The following ADCY2 variants were observed in gnomAD, a reference collection of about 807,000 sequenced individuals.
ADCY2 encodes the protein adenylate cyclase 2.
A neutral mutation model predicts 125.2 loss-of-function variants in ADCY2; 31 were observed. The observed-to-expected ratio is 0.25, with a 90% CI of 0.19 to 0.33. ADCY2 has a LOEUF of 0.33. ADCY2 is among the 10% of genes least tolerant of loss of function. ADCY2 has a pLI of 1.00. For missense variants in ADCY2, 904 were observed against 1,418.2 expected (o/e 0.64, Z 5.82); for synonymous variants, 512 against 548.4 (o/e 0.93, Z 0.93).
chr5:7,674,297 C>T (rs747916682), intron 4 of ADCY2, among the ~76,000 whole-genome samples: 4 of 152,126 alleles, frequency 2.6e-5, no homozygotes, highest in Non-Finnish European at 5.9e-5. Context: ...TCAGTGGTTT[C>T]GGTGTGGGGT....
At position 7,396,447 on chromosome 5, in the gene ADCY2, C is replaced by G. The variant is rs1160511737; in HGVS notation, c.151C>G (p.Leu51Val). Residue 51 changes from leucine to valine, a missense_variant, in exon 1 of 25, where the codon CTG (leucine) becomes GTG (valine). By Grantham distance (32) the Leu-to-Val change is conservative. Transcript: ENST00000338316. This position sits in a 1 kb window ranked among gnomAD's most constrained non-coding sequence, Gnocchi z 5.7. ...SQQHPLIVFL[L>V]LIVMGSCLAL... Reference sequence around the variant, plus strand: ...GCAGCACCCGCTCATCGTCTTCCTGCTGCTCATCGTCATGGGCTCCTGCCT... The same window carrying G: ...GCAGCACCCGCTCATCGTCTTCCTGGTGCTCATCGTCATGGGCTCCTGCCT... 1 of 1,578,492 alleles carries G rather than the reference C, an allele frequency of 6.3e-7. No homozygotes were observed. Among genetic ancestry groups the G allele is most frequent in the South Asian group, 1.1e-5 (1 of 88,152 alleles).
At chr5:7,646,175 T>G (rs1173712097) in intron 4 of ADCY2, among the ~76,000 whole-genome samples, 1 of 152,028 alleles carries the variant, frequency 6.6e-6, no homozygotes, top group African/African-American at 2.4e-5. Flanking sequence ...TAAGACTAAA[T>G]AATTGTAGTT....
At chr5:7,607,218 C>T (rs1737407924) in intron 3 of ADCY2, among the ~76,000 whole-genome samples, 1 of 152,170 alleles carries the variant, frequency 6.6e-6, no homozygotes, top group Admixed American at 6.5e-5. Context: ...AAAATTACAC[C>T]AGGTCTCACA....
At position 7,560,442 on chromosome 5, in the gene ADCY2, A is replaced by G. The variant is rs558029887; in HGVS notation, c.570+39543A>G. 1.3e-4 allele frequency among the ~76,000 whole-genome samples: 20 copies of G among 152,286 alleles called. No individual in the cohort carries two copies. In the South Asian group the frequency reaches 3.1e-3, roughly 24 times the overall value. On this transcript the variant is annotated intron_variant, in intron 3 of 24. Transcript: ENST00000338316. ...AAAAAGCAATTAAAAAATAGTAACAAATTTTCTAGTGCAAGGGAGAAAATG... is the reference window on the plus strand; with the variant it reads ...AAAAAGCAATTAAAAAATAGTAACAGATTTTCTAGTGCAAGGGAGAAAATG...
intron 6 of ADCY2, among the ~76,000 whole-genome samples, chr5:7,696,072 G>A (rs980404155): frequency 3.3e-5 from 5 of 152,096 alleles, no homozygotes; most frequent in Admixed American, 1.3e-4. Context: ...TCATTATCAC[G>A]TTTTTATCTA....
At chr5:7,574,743 G>C (rs1309608763) in intron 3 of ADCY2, among the ~76,000 whole-genome samples, 1 of 152,136 alleles carries the variant, frequency 6.6e-6, no homozygotes, top group African/African-American at 2.4e-5. Context: ...TTTTCACATG[G>C]AGGACATCCT....
intron 1 of ADCY2, among the ~76,000 whole-genome samples, chr5:7,401,707 A>G (rs1350562964): frequency 6.6e-6 from 1 of 152,228 alleles, no homozygotes; most frequent in Non-Finnish European, 1.5e-5. Context: ...TGGCATATGC[A>G]CCATGGGTGT....
At chr5:7,692,090 G>A (rs543693725) in intron 5 of ADCY2, 34 of 152,306 alleles carry the variant, frequency 2.2e-4, no homozygotes, top group African/African-American at 8.2e-4. Context: ...TTTGGGTGGG[G>A]ACACAAATCC....
At chr5:7,644,826 T>C (rs1033817370) in intron 4 of ADCY2, among the ~76,000 whole-genome samples, 5 of 152,138 alleles carry the variant, frequency 3.3e-5, no homozygotes, top group Admixed American at 3.3e-4. Flanking sequence ...CACCCTTAGC[T>C]TAAGTTTTCA....
chr5:7,396,213 G>A lies in ADCY2; in HGVS notation c.-84G>A. The stretch of plus-strand genomic sequence containing the variant: ...GCCGGCAGCCGGGCCGGCCGAGGCG[G>A]CGCGGGGGTGGGACGCGGGCGGCCG... On this transcript the variant is annotated 5_prime_UTR_variant, in exon 1 of 25. Transcript: ENST00000338316. This position sits in a 1 kb window ranked among gnomAD's most constrained non-coding sequence, Gnocchi z 5.7. 1 of 786,866 alleles carries A rather than the reference G, an allele frequency of 1.3e-6. No homozygotes were observed. Among genetic ancestry groups the A allele is most frequent in the South Asian group, 5.7e-5 (1 of 17,466 alleles). 48.7% of individuals were successfully genotyped at this position (786,866 alleles called of 1,614,324 possible). A position where few individuals can be genotyped will look rare whatever the true frequency, so the allele number is the denominator to read the frequency against.
chr5:7,599,367 A>G (rs148359846), intron 3 of ADCY2, among the ~76,000 whole-genome samples: 34 of 152,310 alleles, frequency 2.2e-4, no homozygotes, highest in Non-Finnish European at 4.6e-4. Context: ...CTGACTGTTG[A>G]TGAGTGGTGT....
At position 7,757,454 on chromosome 5, in the gene ADCY2, C is replaced by T. The variant is rs1232586728; in HGVS notation, c.1962C>T (p.Cys654=). 2 of 1,613,358 alleles carry T rather than the reference C, an allele frequency of 1.2e-6. No individual in the cohort carries two copies. Among genetic ancestry groups the T allele is most frequent in the Non-Finnish European group, 1.7e-6 (2 of 1,179,754 alleles). Residue 654 remains cysteine, a synonymous_variant, in exon 16 of 25, where the codon TGC becomes TGT. Coordinates refer to ENST00000338316, the MANE Select transcript of ADCY2 (RefSeq NM_020546.3). ...FVCFAGQLLQ[C]SKKASPLLMW... is the part of the protein sequence containing the mutation. ...TTCTTTCTCTCTTCTCCTAGCAATG[C>T]AGCAAAAAAGCCTCTCCCCTGCTCA... is the stretch of plus-strand genomic sequence containing the variant.
intron 2 of ADCY2, among the ~76,000 whole-genome samples, chr5:7,454,799 T>C (rs1405495826): frequency 6.6e-6 from 1 of 152,168 alleles, no homozygotes; most frequent in Non-Finnish European, 1.5e-5. Flanking sequence ...GTAGCTTGCC[T>C]TTTTCACATG....
intron 4 of ADCY2, among the ~76,000 whole-genome samples, chr5:7,654,347 C>T (rs1414143180): frequency 2.0e-5 from 3 of 151,980 alleles, no homozygotes; most frequent in South Asian, 2.1e-4. Context: ...AAAACGGGAT[C>T]GAGAGAAGGT....
chr5:7,435,969 TAG>T (rs1278514033), intron 2 of ADCY2, among the ~76,000 whole-genome samples: 4 of 152,174 alleles, frequency 2.6e-5, no homozygotes, highest in African/African-American at 9.7e-5. Context: ...GGTTTTTGAG[TAG>T]AGTCAGAATG....
chr5:7,771,281 T>A (rs1293865821), intron 17 of ADCY2, among the ~76,000 whole-genome samples: 4 of 152,170 alleles, frequency 2.6e-5, no homozygotes, highest in Non-Finnish European at 5.9e-5. Context: ...ACCCACATCA[T>A]CTCTTCTTTT....
intron 3 of ADCY2, among the ~76,000 whole-genome samples, chr5:7,558,580 A>C (rs1379537745): frequency 6.6e-6 from 1 of 151,958 alleles, no homozygotes; most frequent in Admixed American, 6.6e-5. Context: ...TAGATGCTGG[A>C]TATTAGACCT....
In ADCY2 at chr5:7,654,152, A is replaced by G. The variant is rs146394076; in HGVS notation, c.720+27836A>G. ...GCCAGGAGATAAAGAGAAGTCAGGA[A>G]AGGGCCTTGGGAAGAGATGGCGCAT... On this transcript the variant is annotated intron_variant, in intron 4 of 24. Coordinates refer to ENST00000338316, the MANE Select transcript of ADCY2 (RefSeq NM_020546.3). 8.8e-6 allele frequency: 4 copies of G among 455,792 alleles called. No homozygotes were observed. The East Asian group carries it at 2.1e-4, about 24-fold the overall frequency. The allele number at this position is 455,792 out of a possible 1,614,324, so 28.2% of individuals were successfully genotyped here.
intron 2 of ADCY2, among the ~76,000 whole-genome samples, chr5:7,480,723 C>T (rs1321370431): frequency 6.8e-6 from 1 of 148,070 alleles, no homozygotes; most frequent in Non-Finnish European, 1.5e-5. Flanking sequence ...ACCTATATAA[C>T]AAACCTGCAC....
Sources: allele counts gnomAD v4.1 joint callset (sites outside exome capture counted in the v4.1 genomes callset), GRCh38; gene constraint gnomAD v4.1.1; non-coding constraint Gnocchi (gnomAD v3.1); transcripts MANE v1.5; gene names NCBI Gene and HGNC (gene_info 2026-07-23, HGNC 2026-07-21).